The following PLEKHA5 variants were observed in gnomAD, a reference collection of about 807,000 sequenced individuals.
The protein encoded by PLEKHA5 is pleckstrin homology domain containing A5.
PLEKHA5 carries 55 observed loss-of-function variants against 181.9 expected under a neutral mutation model. That is an observed-to-expected ratio of 0.30 (90% CI 0.24 to 0.38). The LOEUF is 0.38. Among genes scored for constraint, PLEKHA5 ranks in the 10% least tolerant of loss-of-function variants. The pLI, the probability that PLEKHA5 is intolerant of heterozygous loss-of-function variation, is 1.00. For synonymous variants in PLEKHA5, 535 were observed against 529.4 expected (o/e 1.01, Z -0.15); for missense variants, 1,432 against 1,549.5 (o/e 0.92, Z 1.27).
intron 3 of PLEKHA5, among the ~76,000 whole-genome samples, chr12:19,132,773 C>CTTTTTTTTT (rs59992820): frequency 8.9e-6 from 1 of 112,124 alleles, no homozygotes; most frequent in African/African-American, 3.4e-5. Flanking sequence ...CCACAATTAC[C>CTTTTTTTTT]TTTTTTTTTT....
At chr12:19,249,409 T>C (rs1488723834) in intron 3 of PLEKHA5, among the ~76,000 whole-genome samples, 1 of 152,194 alleles carries the variant, frequency 6.6e-6, no homozygotes, top group Non-Finnish European at 1.5e-5. Context: ...GACAAAGGGA[T>C]GATTCACATC....
At chr12:19,373,815 CATA>C (rs1449729393) in intron 31 of PLEKHA5, 1 of 152,188 alleles carries the variant, frequency 6.6e-6, no homozygotes, top group Non-Finnish European at 1.5e-5. Flanking sequence ...GAGCCATTCA[CATA>C]ATATTTTGAT....
chr12:19,315,527 C>G, intron 16 of PLEKHA5, among the ~76,000 whole-genome samples: 1 of 152,038 alleles, frequency 6.6e-6, no homozygotes, highest in Non-Finnish European at 1.5e-5. Flanking sequence ...AACTTAGGAA[C>G]CTTAGTAATC....
intron 15 of PLEKHA5, among the ~76,000 whole-genome samples, chr12:19,302,668 G>A (rs563649238): frequency 7.2e-5 from 11 of 151,912 alleles, no homozygotes; most frequent in South Asian, 4.2e-4. Context: ...AAGTGCTGCC[G>A]TTACAGATGT....
chr12:19,242,234 TTTTTTTTTG>T (rs771599823), intron 3 of PLEKHA5, among the ~76,000 whole-genome samples: 84 of 69,838 alleles, frequency 1.2e-3, no homozygotes, highest in Non-Finnish European at 2.1e-3. Context: ...CCTTTTTTTG[TTTTTTTTTG>T]TTTTTTTTGT....
chr12:19,319,932 GTTT>G, intron 16 of PLEKHA5, 86 bp from the exon 17 acceptor site: 1 of 816,342 alleles, frequency 1.2e-6, no homozygotes, highest in Non-Finnish European at 1.9e-6. Context: ...ACTATCCATA[GTTT>G]ATAACATAGG....
intron 2 of PLEKHA5, among the ~76,000 whole-genome samples, chr12:19,131,211 G>C (rs909678170): frequency 2.6e-5 from 4 of 152,150 alleles, no homozygotes; most frequent in Admixed American, 1.3e-4. Flanking sequence ...TGGCCTCTGG[G>C]GTACATTCTC....
intron 29 of PLEKHA5, among the ~76,000 whole-genome samples, chr12:19,365,692 A>G (rs1397384174): frequency 6.6e-6 from 1 of 152,214 alleles, no homozygotes; most frequent in Non-Finnish European, 1.5e-5. Flanking sequence ...ATTAAATATC[A>G]TATGTAGAAT....
intron 20 of PLEKHA5, among the ~76,000 whole-genome samples, chr12:19,334,829 A>AAAAAATATATAT: frequency 2.7e-4 from 5 of 18,592 alleles, no homozygotes; most frequent in African/African-American, 4.9e-4. Context: ...AAAAAAAAAA[A>AAAAAATATATAT]ATATATATAT....
At chr12:19,292,618 C>A (rs1351719426) in intron 15 of PLEKHA5, among the ~76,000 whole-genome samples, 2 of 151,880 alleles carry the variant, frequency 1.3e-5, no homozygotes, top group East Asian at 3.9e-4. Context: ...ACCAGGTGTG[C>A]CTGGTTGAGG....
chr12:19,290,769 G>A lies in PLEKHA5; in HGVS notation c.1956G>A (p.Gln652=). 6.5e-7 allele frequency: 1 copy of A among 1,535,220 alleles called. No individual in the cohort carries two copies. The highest frequency in any genetic ancestry group is 8.7e-7 in the Non-Finnish European group (1 of 1,145,910). The part of the protein sequence containing the change: ...IREHTLAQLM[Q]LKLEAHSPKN... Reference sequence around the variant, plus strand: ...AGCATACGTTAGCACAGCTCATGCAGCTAAAGCTTGAGGCCCACAGCCCAA... The same window carrying A: ...AGCATACGTTAGCACAGCTCATGCAACTAAAGCTTGAGGCCCACAGCCCAA... Residue 652 remains glutamine, a synonymous_variant, in exon 14 of 32, where the codon CAG becomes CAA. Transcript: ENST00000429027.
intron 3 of PLEKHA5, among the ~76,000 whole-genome samples, chr12:19,166,823 C>T (rs1318083775): frequency 6.6e-6 from 1 of 152,098 alleles, no homozygotes; most frequent in East Asian, 1.9e-4. Flanking sequence ...ATCATCTGAC[C>T]TTTGATTTGT....
At chr12:19,196,820 T>C (rs1468202674) in intron 3 of PLEKHA5, among the ~76,000 whole-genome samples, 12 of 148,730 alleles carry the variant, frequency 8.1e-5, no homozygotes, top group Admixed American at 3.4e-4. Flanking sequence ...TTCTTTTTTT[T>C]TTTTTTTTAG....
chr12:19,183,455 T>C (rs1160480027), intron 3 of PLEKHA5, among the ~76,000 whole-genome samples: 1 of 152,230 alleles, frequency 6.6e-6, no homozygotes, highest in Non-Finnish European at 1.5e-5. Context: ...ATTATCATTT[T>C]ACAGGTGAGA....
In PLEKHA5 at chr12:19,322,634, T is replaced by A. The variant is rs751110146; in HGVS notation, c.2415T>A (p.Leu805=). Residue 805 remains leucine (L), a synonymous_variant, in exon 20 of 32, where the codon CTT becomes CTA. Transcript: ENST00000429027. The stretch of plus-strand genomic sequence containing the variant: ...GGGATGATTTACAAAATGGACTGCT[T>A]AGTACGTGTCGAGAACTTTCTCGAG... The part of the protein sequence containing the change: ...LQRDDLQNGL[L]STCRELSRAT... 3 of 1,613,832 alleles carry A rather than the reference T, an allele frequency of 1.9e-6. No homozygotes were observed. The Admixed American group carries it at 5.0e-5, about 27-fold the overall frequency.
At chr12:19,306,588 C>A (rs1235219137) in intron 15 of PLEKHA5, 2 of 832,918 alleles carry the variant, frequency 2.4e-6, no homozygotes, top group Non-Finnish European at 2.1e-6. Context: ...GATCCGGGCC[C>A]TAGCGGCGGG....
chr12:19,308,217 A>G (rs2084865415), intron 15 of PLEKHA5, among the ~76,000 whole-genome samples: 1 of 152,166 alleles, frequency 6.6e-6, no homozygotes, highest in African/African-American at 2.4e-5. Flanking sequence ...GATCATCATG[A>G]AGAAGACATG....
At chr12:19,266,939 A>G (rs538191219) in intron 8 of PLEKHA5, among the ~76,000 whole-genome samples, 70 of 152,296 alleles carry the variant, frequency 4.6e-4, no homozygotes, top group African/African-American at 1.7e-3. Context: ...GGTACTTTAC[A>G]GAGAACACTG....
intron 7 of PLEKHA5, among the ~76,000 whole-genome samples, chr12:19,261,890 C>T (rs1037211743): frequency 6.6e-6 from 1 of 152,106 alleles, no homozygotes; most frequent in African/African-American, 2.4e-5. Context: ...ACATATTAAC[C>T]TTCAAAATTT....
Sources: gnomAD v4.1 joint callset for allele counts (sites outside exome capture counted in the v4.1 genomes callset) on GRCh38, gnomAD v4.1.1 for gene constraint, MANE v1.5 for transcripts, NCBI Gene and HGNC (gene_info 2026-07-23, HGNC 2026-07-21) for gene names.